Variants in SYNE2 observed in about 807,000 individuals in gnomAD.
SYNE2 encodes nesprin-2.
SYNE2 carries 431 observed loss-of-function variants against 856.3 expected under a neutral mutation model. The ratio of observed to expected loss-of-function variants is 0.50; its 90% confidence interval spans 0.47 to 0.55. The LOEUF (loss-of-function observed/expected upper bound fraction) is 0.55, where lower values mean the gene tolerates loss of function less well. Among genes scored for constraint, SYNE2 ranks in the 20% least tolerant of loss-of-function variants. The probability of loss-of-function intolerance (pLI) is 0.00; values close to 1 mark genes in which losing one functional copy is unlikely to be tolerated. For missense variants in SYNE2, 8,129 were observed against 8,023.2 expected (o/e 1.01, Z -0.50); for synonymous variants, 2,923 against 2,872.3 (o/e 1.02, Z -0.56).
In SYNE2 at chr14:64,053,046, C is replaced by T. The variant is rs1465589253; in HGVS notation, c.9133C>T (p.His3045Tyr). 1 of 1,613,966 alleles carries T rather than the reference C, an allele frequency of 6.2e-7. No homozygotes were observed. Among genetic ancestry groups the T allele is most frequent in the South Asian group, 1.1e-5 (1 of 90,964 alleles). ...GCAGTTGGACACATTTGAGGAAGAA[C>T]ATGGCAAATATCAGGCATTATTAAG... ...IKQLDTFEEE[H>Y]GKYQALLSKM... The change falls in exon 48 of 116, where the codon CAT becomes TAT. Residue 3045 changes from histidine (H) to tyrosine (Y), a missense_variant. By Grantham distance (83) the His-to-Tyr change is moderately conservative. This residue lies in a region of SYNE2 where 5,410 missense variants were observed against 5,284.8 expected (regional missense o/e 1.02). Transcript: ENST00000555002.
At chr14:64,151,474 C>G (rs943739820) in intron 84 of SYNE2, among the ~76,000 whole-genome samples, 3 of 16,972 alleles carry the variant, frequency 1.8e-4, no homozygotes, top group African/African-American at 6.7e-4. Flanking sequence ...AAGCAATTTT[C>G]AAAAAAAAAG....
chr14:64,079,768 G>C (rs1341950886), intron 55 of SYNE2, among the ~76,000 whole-genome samples: 1 of 152,072 alleles, frequency 6.6e-6, no homozygotes, highest in Non-Finnish European at 1.5e-5. Context: ...GAGTGCAGTG[G>C]TGTGATCAAA....
chr14:64,026,279 C>T (rs1200952718), intron 41 of SYNE2, among the ~76,000 whole-genome samples: 3 of 152,104 alleles, frequency 2.0e-5, no homozygotes, highest in African/African-American at 7.2e-5. Flanking sequence ...ACTCTCCATC[C>T]ATAAATAATA....
chr14:64,144,028 A>C, intron 83 of SYNE2, 80 bp downstream of exon 83: 1 of 1,521,054 alleles, frequency 6.6e-7, no homozygotes, highest in Non-Finnish European at 9.1e-7. Context: ...AAGACGTTCA[A>C]TTAGTTGACT....
rs17179194 is a variant in SYNE2, at chr14:64,167,266, G to A, written c.16639G>A (p.Asp5547Asn). Residue 5547 changes from aspartate to asparagine, a missense_variant, in exon 91 of 116, where the codon GAT (aspartate) becomes AAT (asparagine). Coordinates refer to ENST00000555002, the MANE Select transcript of SYNE2 (RefSeq NM_182914.3). Reference sequence around the variant, plus strand: ...GCTGGCACTGACAGCCCAATCACCTGATATTGAACATTTGAATGAAGTGAG... The same window carrying A: ...GCTGGCACTGACAGCCCAATCACCTAATATTGAACATTTGAATGAAGTGAG... ...HVLALTAQSPDIEHLNEVSLK... is the reference protein window; with the variant it reads ...HVLALTAQSPNIEHLNEVSLK... 22,047 of 1,614,194 alleles carry A rather than the reference G, an allele frequency of 0.014. 225 individuals carry two copies. Among genetic ancestry groups the A allele is most frequent in the South Asian group, 0.025 (2,311 of 91,078 alleles).
At chr14:64,103,955 C>T (rs985989801) in intron 64 of SYNE2, among the ~76,000 whole-genome samples, 3 of 152,204 alleles carry the variant, frequency 2.0e-5, no homozygotes, top group African/African-American at 7.2e-5. Context: ...GATTCTGAAC[C>T]TCAATTATGA....
At chr14:63,903,755 T>G (rs968105093) in intron 1 of SYNE2, among the ~76,000 whole-genome samples, 2 of 152,162 alleles carry the variant, frequency 1.3e-5, no homozygotes, top group Admixed American at 6.5e-5. Context: ...AACAAATGAT[T>G]CTTTCCCCTA....
intron 43 of SYNE2, among the ~76,000 whole-genome samples, chr14:64,028,984 A>T (rs1306329918): frequency 6.6e-6 from 1 of 152,030 alleles, no homozygotes; most frequent in African/African-American, 2.4e-5. Flanking sequence ...AAAAATACAA[A>T]AATTAGCCGG....
intron 105 of SYNE2, among the ~76,000 whole-genome samples, chr14:64,213,540 T>A (rs1459401648): frequency 6.6e-6 from 1 of 152,212 alleles, no homozygotes; most frequent in Non-Finnish European, 1.5e-5. Context: ...ACTGCCTTTG[T>A]GTGCCTGAAG....
At chr14:64,108,150 A>T (rs2097783219) in intron 65 of SYNE2, among the ~76,000 whole-genome samples, 1 of 152,126 alleles carries the variant, frequency 6.6e-6, no homozygotes, top group South Asian at 2.1e-4. Context: ...GGAGTTTGAG[A>T]CCAGCCTGAC....
chr14:63,971,795 T>C (rs951372174), intron 11 of SYNE2, among the ~76,000 whole-genome samples: 1 of 152,180 alleles, frequency 6.6e-6, no homozygotes, highest in Non-Finnish European at 1.5e-5. Flanking sequence ...TTCTTTGATC[T>C]CTACATATGT....
intron 100 of SYNE2, among the ~76,000 whole-genome samples, chr14:64,203,304 C>T (rs1263931397): frequency 6.6e-6 from 1 of 152,130 alleles, no homozygotes; most frequent in Non-Finnish European, 1.5e-5. Flanking sequence ...GAAAGAAAAG[C>T]AACTTTTCTA....
intron 19 of SYNE2, among the ~76,000 whole-genome samples, chr14:63,990,037 G>A: frequency 6.6e-6 from 1 of 152,146 alleles, no homozygotes; most frequent in East Asian, 1.9e-4. Context: ...GATATATAAA[G>A]ATTATTTTCC....
chr14:63,783,465 C>G (rs888500591), intron 1 of SYNE2, among the ~76,000 whole-genome samples: 1 of 152,098 alleles, frequency 6.6e-6, no homozygotes, highest in African/African-American at 2.4e-5. Flanking sequence ...GCAACCTCCG[C>G]CTCCCGGGTT....
chr14:63,904,144 G>C (rs1212767245), intron 1 of SYNE2, among the ~76,000 whole-genome samples: 1 of 152,106 alleles, frequency 6.6e-6, no homozygotes, highest in Non-Finnish European at 1.5e-5. Context: ...TGCTGCAAAG[G>C]CTATGATTTT....
chr14:64,168,590 C>A (rs1417474126), intron 92 of SYNE2, among the ~76,000 whole-genome samples: 1 of 152,106 alleles, frequency 6.6e-6, no homozygotes, highest in South Asian at 2.1e-4. Flanking sequence ...AATCCTAAGG[C>A]TGAGAAATAA....
chr14:64,225,269 G>A, intron 115 of SYNE2, 50 bp from the exon 116 acceptor site: 2 of 1,613,958 alleles, frequency 1.2e-6, no homozygotes, highest in Non-Finnish European at 1.7e-6. Flanking sequence ...AATAGAGTGG[G>A]TTGTGCCTGT....
chr14:64,215,995 C>T, intron 107 of SYNE2: 1 of 1,421,902 alleles, frequency 7.0e-7, no homozygotes, highest in Non-Finnish European at 9.2e-7. Flanking sequence ...GAGACCCTGG[C>T]TCCAAAACGC....
chr14:64,140,017 T>C lies in SYNE2; in HGVS notation c.14920T>C (p.Ser4974Pro), dbSNP rs142514437. ...TACTCTGAATTACTGGAAAGAACAG[T>C]CCCTCAATGTGTCTCAGGACTTGGA... ...QHTLNYWKEQ[S>P]LNVSQDLDTI... Residue 4974 changes from serine (S) to proline (P), a missense_variant, in exon 80 of 116, where the codon TCC (serine) becomes CCC (proline). Transcript: ENST00000555002. 1 of 1,613,980 alleles carries C rather than the reference T, an allele frequency of 6.2e-7. No homozygotes were observed. Among genetic ancestry groups the C allele is most frequent in the South Asian group, 1.1e-5 (1 of 91,068 alleles).
Sources: gnomAD v4.1 joint callset for allele counts (sites outside exome capture counted in the v4.1 genomes callset) on GRCh38, gnomAD v4.1.1 for gene constraint, gnomAD v4.1.1 regional missense constraint, MANE v1.5 for transcripts, NCBI Gene and HGNC (gene_info 2026-07-23, HGNC 2026-07-21) for gene names.